The following PCDH11X variants were observed in gnomAD, a reference collection of about 807,000 sequenced individuals.
PCDH11X encodes protocadherin 11 X-linked.
In PCDH11X, 18 loss-of-function variants were observed where a neutral mutation model predicts 53.3. The observed-to-expected ratio is 0.34, with a 90% CI of 0.23 to 0.50. PCDH11X has a LOEUF of 0.50. Among genes scored for constraint, PCDH11X ranks in the 20% least tolerant of loss-of-function variants. The pLI, the probability that PCDH11X is intolerant of heterozygous loss-of-function variation, is 0.98. For missense variants in PCDH11X, 570 were observed against 1,032.4 expected (o/e 0.55, Z 6.14); for synonymous variants, 279 against 393.3 (o/e 0.71, Z 3.44).
At chrX:92,355,902 A>G (rs2070194034) in intron 8 of PCDH11X, among the ~76,000 whole-genome samples, 1 of 110,355 alleles carries the variant, frequency 9.1e-6, no homozygotes, top group Non-Finnish European at 1.9e-5. Flanking sequence ...ACATATTTTC[A>G]TATAATCATT....
chrX:92,431,458 G>C (rs1249592587), intron 9 of PCDH11X, among the ~76,000 whole-genome samples: 1 of 110,533 alleles, frequency 9.0e-6, no homozygotes, highest in Non-Finnish European at 1.9e-5. Context: ...TTTTTGACAA[G>C]TTTACTCACA....
intron 9 of PCDH11X, among the ~76,000 whole-genome samples, chrX:92,399,904 G>T (rs894742833): frequency 3.0e-4 from 18 of 59,129 alleles, no homozygotes; most frequent in African/African-American, 1.1e-3. Flanking sequence ...ACCACGCCCG[G>T]CTAATTTTTT....
chrX:92,562,818 G>A (rs2075151803), intron 10 of PCDH11X, among the ~76,000 whole-genome samples: 1 of 109,958 alleles, frequency 9.1e-6, no homozygotes, highest in Non-Finnish European at 1.9e-5. Flanking sequence ...TTCCCAATAA[G>A]TTTCTCATTT....
intron 10 of PCDH11X, among the ~76,000 whole-genome samples, chrX:92,469,492 T>A (rs1419732203): frequency 9.0e-6 from 1 of 111,093 alleles, no homozygotes; most frequent in East Asian, 2.8e-4. Context: ...TCCTGAGGAG[T>A]TTCCCCAAAG....
At chrX:92,127,518 C>CTT (rs35828888) in intron 6 of PCDH11X, among the ~76,000 whole-genome samples, 15,376 of 88,257 alleles carry the variant, frequency 0.17, 1,510 homozygotes, top group East Asian at 0.37. Flanking sequence ...TTTCCCCCCA[C>CTT]TTTTTTTTTT....
intron 6 of PCDH11X, among the ~76,000 whole-genome samples, chrX:91,919,532 T>C (rs1022114356): frequency 2.7e-5 from 3 of 111,383 alleles, no homozygotes; most frequent in African/African-American, 9.8e-5. Context: ...TTTTTTTCTT[T>C]GTCATAACAT....
chrX:92,110,033 ATCTTT>A (rs1370313942), intron 6 of PCDH11X, among the ~76,000 whole-genome samples: 1 of 112,437 alleles, frequency 8.9e-6, no homozygotes, highest in African/African-American at 3.2e-5. Flanking sequence ...TCAGCAGTTA[ATCTTT>A]TCTTTAAGTT....
chrX:92,348,641 A>G (rs1223310283), intron 8 of PCDH11X, among the ~76,000 whole-genome samples: 9 of 108,597 alleles, frequency 8.3e-5, no homozygotes, highest in Non-Finnish European at 1.7e-4. Flanking sequence ...CTTTCAAGCA[A>G]TTCTCCTGCC....
At chrX:92,375,300 T>C (rs777737242) in intron 8 of PCDH11X, among the ~76,000 whole-genome samples, 1,184 of 92,024 alleles carry the variant, frequency 0.013, 24 homozygotes, top group African/African-American at 0.045. Flanking sequence ...CTCAGCCTCC[T>C]GAGTAGCTAG....
chrX:92,451,681 G>T (rs2072783879), intron 9 of PCDH11X, among the ~76,000 whole-genome samples: 1 of 111,865 alleles, frequency 8.9e-6, no homozygotes, highest in Non-Finnish European at 1.9e-5. Flanking sequence ...GATAAGAAAA[G>T]CAATGAAACC....
At chrX:91,787,487 T>A (rs1401147297) in intron 1 of PCDH11X, among the ~76,000 whole-genome samples, 1 of 110,671 alleles carries the variant, frequency 9.0e-6, no homozygotes, top group Non-Finnish European at 1.9e-5. Flanking sequence ...TTATGATTTA[T>A]GTTTTATTAG....
At chrX:92,078,243 C>A (rs1326776728) in intron 6 of PCDH11X, among the ~76,000 whole-genome samples, 5 of 109,960 alleles carry the variant, frequency 4.5e-5, no homozygotes, top group African/African-American at 6.6e-5. Flanking sequence ...TCCAAAGGAA[C>A]TGATCATGTT....
chrX:92,280,357 T>C (rs1270136433), intron 8 of PCDH11X, among the ~76,000 whole-genome samples: 1 of 110,154 alleles, frequency 9.1e-6, no homozygotes, highest in Non-Finnish European at 1.9e-5. Context: ...GAGACCAGCC[T>C]GACCAACATG....
intron 10 of PCDH11X, among the ~76,000 whole-genome samples, chrX:92,563,499 CA>C (rs201539230): frequency 0.097 from 10,683 of 110,465 alleles, 406 homozygotes; most frequent in Admixed American, 0.21. Flanking sequence ...ACAGGTCTGG[CA>C]GCAGACTTTT....
intron 9 of PCDH11X, among the ~76,000 whole-genome samples, chrX:92,392,462 A>T (rs1413226887): frequency 9.1e-6 from 1 of 110,096 alleles, no homozygotes; most frequent in African/African-American, 3.3e-5. Flanking sequence ...ACTTTGATTG[A>T]TCTTCTACCA....
At chrX:91,812,978 T>G (rs921287536) in intron 4 of PCDH11X, among the ~76,000 whole-genome samples, 1 of 111,868 alleles carries the variant, frequency 8.9e-6, no homozygotes, top group Non-Finnish European at 1.9e-5. Context: ...TGCGGCATTA[T>G]ATATACACCA....
intron 10 of PCDH11X, among the ~76,000 whole-genome samples, chrX:92,570,169 T>G (rs1922038814): frequency 9.0e-6 from 1 of 111,094 alleles, no homozygotes; most frequent in Non-Finnish European, 1.9e-5. Context: ...TGAACTTACA[T>G]TCATATACTC....
At chrX:92,347,136 T>C (rs1257594770) in intron 8 of PCDH11X, among the ~76,000 whole-genome samples, 2 of 112,033 alleles carry the variant, frequency 1.8e-5, no homozygotes, top group African/African-American at 6.5e-5. Context: ...ATTTATAAAA[T>C]ATATTTTAAA....
chrX:92,233,048 T>C (rs1299196767), intron 7 of PCDH11X, among the ~76,000 whole-genome samples: 1 of 111,570 alleles, frequency 9.0e-6, no homozygotes, highest in Non-Finnish European at 1.9e-5. Flanking sequence ...AAAATCTGAC[T>C]CTACCCCAGC....
Sources: gnomAD v4.1 joint callset for allele counts (sites outside exome capture counted in the v4.1 genomes callset) on GRCh38, gnomAD v4.1.1 for gene constraint, MANE v1.5 for transcripts, NCBI Gene and HGNC (gene_info 2026-07-23, HGNC 2026-07-21) for gene names.